The following GPR158 variants were observed in gnomAD, a reference collection of about 807,000 sequenced individuals.
The protein encoded by GPR158 is metabotropic glycine receptor.
In GPR158, 30 loss-of-function variants were observed where a neutral mutation model predicts 78.2. That is an observed-to-expected ratio of 0.38 (90% CI 0.29 to 0.52). The LOEUF is 0.52. GPR158 is among the 20% of genes least tolerant of loss of function. The pLI, the probability that GPR158 is intolerant of heterozygous loss-of-function variation, is 0.83. For synonymous variants in GPR158, 581 were observed against 591.1 expected, an observed-to-expected ratio of 0.98 and a Z score of 0.25; for missense variants, 1,463 against 1,523.5, an observed-to-expected ratio of 0.96 and a Z score of 0.66.
intron 3 of GPR158, among the ~76,000 whole-genome samples, chr10:25,409,629 A>G (rs779931464): frequency 6.6e-6 from 1 of 152,240 alleles, no homozygotes; most frequent in Non-Finnish European, 1.5e-5. Context: ...CCAGTGTTAG[A>G]AAAAGAGATA....
At chr10:25,321,634 C>T (rs992864616) in intron 2 of GPR158, among the ~76,000 whole-genome samples, 5 of 133,244 alleles carry the variant, frequency 3.8e-5, no homozygotes, top group African/African-American at 1.4e-4. Context: ...CTTATATAAC[C>T]CTCCTTTAAA....
chr10:25,178,800 CTTG>C (rs1852575483), intron 1 of GPR158, among the ~76,000 whole-genome samples: 1 of 152,196 alleles, frequency 6.6e-6, no homozygotes, highest in Admixed American at 6.5e-5. Flanking sequence ...GATAGTTCCA[CTTG>C]TTGTCTCATA....
intron 4 of GPR158, among the ~76,000 whole-genome samples, chr10:25,439,743 T>C (rs189685198): frequency 1.3e-5 from 2 of 152,294 alleles, no homozygotes; most frequent in East Asian, 3.9e-4. Flanking sequence ...CCTTGAAACA[T>C]GTGGAAAGCT....
intron 7 of GPR158, among the ~76,000 whole-genome samples, chr10:25,579,914 A>G (rs965996171): frequency 6.6e-6 from 1 of 152,192 alleles, no homozygotes; most frequent in Non-Finnish European, 1.5e-5. Flanking sequence ...TATCACTGAT[A>G]TAGCCTAACT....
Position 25,599,180 on chromosome 10 carries a change from G to C in GPR158, c.3554G>C (p.Gly1185Ala). ...GAGACCCCAGCTCAACCAAATGCTGGAAGAAGTGTAGCTTTACCTGCCTCT... is the reference window on the plus strand; with the variant it reads ...GAGACCCCAGCTCAACCAAATGCTGCAAGAAGTGTAGCTTTACCTGCCTCT... Reference protein sequence around the residue: ...EFETPAQPNAGRSVALPASSA... With the variant: ...EFETPAQPNAARSVALPASSA... The change falls in exon 11 of 11, where the codon GGA becomes GCA. Residue 1185 changes from glycine to alanine, a missense_variant. By Grantham distance (60) the Gly-to-Ala change is moderately conservative (BLOSUM62 0). Coordinates refer to ENST00000376351, the MANE Select transcript of GPR158 (RefSeq NM_020752.3). 1 of 1,611,478 alleles carries C rather than the reference G, an allele frequency of 6.2e-7. No individual in the cohort carries two copies. Among genetic ancestry groups the C allele is most frequent in the Non-Finnish European group, 8.5e-7 (1 of 1,179,890 alleles).
At chr10:25,593,708 GC>G (rs1184491235) in intron 8 of GPR158, among the ~76,000 whole-genome samples, 18 of 151,928 alleles carry the variant, frequency 1.2e-4, no homozygotes, top group Non-Finnish European at 5.9e-5. Context: ...TTTAAATACT[GC>G]ATTTTAAATT....
At chr10:25,372,420 G>A (rs980706639) in intron 2 of GPR158, among the ~76,000 whole-genome samples, 3 of 147,922 alleles carry the variant, frequency 2.0e-5, no homozygotes, top group Non-Finnish European at 4.5e-5. Flanking sequence ...TATGTTTATT[G>A]CGGCATTATT....
At chr10:25,297,905 T>G (rs2130771524) in intron 2 of GPR158, among the ~76,000 whole-genome samples, 1 of 152,326 alleles carries the variant, frequency 6.6e-6, no homozygotes, top group East Asian at 1.9e-4. Flanking sequence ...AGAGCATGCA[T>G]GGACTTGGGA....
intron 9 of GPR158, 51 bp downstream of exon 9, chr10:25,594,448 A>C: frequency 1.2e-6 from 1 of 809,220 alleles, no homozygotes; most frequent in Non-Finnish European, 2.0e-6. Context: ...TTTAATGAAC[A>C]TGGAGTTGTT....
At chr10:25,299,993 G>C (rs1227529693) in intron 2 of GPR158, among the ~76,000 whole-genome samples, 1 of 151,924 alleles carries the variant, frequency 6.6e-6, no homozygotes, top group African/African-American at 2.4e-5. Flanking sequence ...CGCCCAGCTA[G>C]GTGATCCACC....
intron 2 of GPR158, among the ~76,000 whole-genome samples, chr10:25,376,789 TC>T: frequency 6.6e-6 from 1 of 151,800 alleles, no homozygotes; most frequent in East Asian, 1.9e-4. Flanking sequence ...GCAGTTATTT[TC>T]TTTCTGCACT....
chr10:25,181,523 G>A (rs1852610531), intron 1 of GPR158, among the ~76,000 whole-genome samples: 1 of 152,140 alleles, frequency 6.6e-6, no homozygotes, highest in African/African-American at 2.4e-5. Flanking sequence ...GGTCATGGTA[G>A]AAATACTGGC....
chr10:25,206,789 GC>G (rs1344177918), intron 1 of GPR158, among the ~76,000 whole-genome samples: 11 of 151,924 alleles, frequency 7.2e-5, no homozygotes, highest in Middle Eastern at 3.4e-3. Flanking sequence ...TAATTTACTT[GC>G]CAGAAGGTAG....
intron 4 of GPR158, among the ~76,000 whole-genome samples, chr10:25,423,319 A>G (rs1225409097): frequency 6.6e-6 from 1 of 151,788 alleles, no homozygotes; most frequent in Non-Finnish European, 1.5e-5. Context: ...TTTTAGTATA[A>G]TGACTTCTTT....
At chr10:25,262,977 A>G (rs999098229) in intron 2 of GPR158, among the ~76,000 whole-genome samples, 1 of 151,978 alleles carries the variant, frequency 6.6e-6, no homozygotes, top group African/African-American at 2.4e-5. Context: ...TATTGCAAAT[A>G]TTTTTTCCCA....
chr10:25,540,566 G>A (rs983977048), intron 5 of GPR158, among the ~76,000 whole-genome samples: 5 of 152,068 alleles, frequency 3.3e-5, no homozygotes, highest in African/African-American at 1.2e-4. Flanking sequence ...TGATAGACTG[G>A]ATTAAGAAAA....
chr10:25,569,480 A>C (rs527911564), intron 6 of GPR158, among the ~76,000 whole-genome samples: 7 of 152,320 alleles, frequency 4.6e-5, no homozygotes, highest in Non-Finnish European at 7.4e-5. Flanking sequence ...CCATGGAAAG[A>C]ATATATAGTT....
intron 6 of GPR158, among the ~76,000 whole-genome samples, chr10:25,569,420 A>G (rs1228296697): frequency 6.6e-6 from 1 of 152,214 alleles, no homozygotes; most frequent in Non-Finnish European, 1.5e-5. Flanking sequence ...TAAAGTTTCA[A>G]TGGGAATTGT....
intron 2 of GPR158, among the ~76,000 whole-genome samples, chr10:25,269,026 T>A (rs978029359): frequency 7.9e-5 from 12 of 152,220 alleles, no homozygotes; most frequent in African/African-American, 2.2e-4. Flanking sequence ...TGTCTCATTT[T>A]GTTTTCACCT....
Sources: gnomAD v4.1 joint callset for allele counts (sites outside exome capture counted in the v4.1 genomes callset) on GRCh38, gnomAD v4.1.1 for gene constraint, MANE v1.5 for transcripts, NCBI Gene and HGNC (gene_info 2026-07-23, HGNC 2026-07-21) for gene names.